DCC: variants seen among roughly 807,000 people sequenced by gnomAD.
DCC encodes the protein DCC netrin 1 receptor, also known as netrin receptor DCC.
A neutral mutation model predicts 172.5 loss-of-function variants in DCC; 58 were observed. The ratio of observed to expected loss-of-function variants is 0.34; its 90% confidence interval spans 0.27 to 0.42. The LOEUF is 0.42. DCC is among the 10% of genes least tolerant of loss of function. The pLI, the probability that DCC is intolerant of heterozygous loss-of-function variation, is 1.00. For synonymous variants in DCC, 709 were observed against 644.5 expected (o/e 1.10, Z -1.52); for missense variants, 1,740 against 1,791.0 (o/e 0.97, Z 0.51).
intron 15 of DCC, among the ~76,000 whole-genome samples, chr18:53,347,615 A>G (rs956454880): frequency 6.6e-6 from 1 of 152,202 alleles, no homozygotes; most frequent in South Asian, 2.1e-4. Flanking sequence ...ACTCTGAAAT[A>G]TATAACTTAG....
intron 5 of DCC, among the ~76,000 whole-genome samples, chr18:52,946,957 T>C (rs1354610509): frequency 2.0e-5 from 3 of 152,064 alleles, no homozygotes; most frequent in Admixed American, 6.6e-5. Flanking sequence ...TATACAAATA[T>C]TAAACACAGA....
At chr18:52,785,400 A>G (rs2037636966) in intron 2 of DCC, among the ~76,000 whole-genome samples, 1 of 152,046 alleles carries the variant, frequency 6.6e-6, no homozygotes, top group Non-Finnish European at 1.5e-5. Flanking sequence ...AAAGACTCCC[A>G]TGCCCTTACT....
chr18:53,371,823 A>G (rs925101203), intron 15 of DCC, among the ~76,000 whole-genome samples: 21 of 152,082 alleles, frequency 1.4e-4, no homozygotes, highest in African/African-American at 5.1e-4. Context: ...AACGCTTTTC[A>G]AAGAAGACAT....
At chr18:52,501,234 A>G (rs1366202225) in intron 1 of DCC, among the ~76,000 whole-genome samples, 1 of 152,128 alleles carries the variant, frequency 6.6e-6, no homozygotes. Context: ...TCTTATTCCT[A>G]AAGACTCTCA....
chr18:52,387,593 T>A (rs1367156649), intron 1 of DCC, among the ~76,000 whole-genome samples: 2 of 146,738 alleles, frequency 1.4e-5, no homozygotes. Flanking sequence ...CTTCCTTCCT[T>A]CCTTCCTTCC....
chr18:52,381,332 T>G (rs1985575626), intron 1 of DCC, among the ~76,000 whole-genome samples: 1 of 152,138 alleles, frequency 6.6e-6, no homozygotes. Context: ...AAGGACAATT[T>G]TTTAGCATCT....
intron 7 of DCC, among the ~76,000 whole-genome samples, chr18:53,154,033 C>T (rs958910696): frequency 6.6e-6 from 1 of 152,088 alleles, no homozygotes; most frequent in Admixed American, 6.6e-5. Context: ...AGCCTCTGCC[C>T]GAAGGTATTT....
rs528876521 is a variant in DCC at position 52,866,651 on chromosome 18, T to C, written c.413-39393T>C. Among the ~76,000 whole-genome samples the C allele has an allele frequency of 2.0e-4, 31 of 152,302 alleles. No homozygotes were observed. The East Asian group carries it at 4.6e-3, about 23-fold the overall frequency. On this transcript the variant is annotated intron_variant, in intron 2 of 28. Coordinates refer to ENST00000442544, the MANE Select transcript of DCC (RefSeq NM_005215.4). ...GTATTTTACTCTCTTTGTAGCAATT[T>C]TGAATGAGAGTTCACTCATGATTTG...
chr18:53,103,302 A>C (rs2043199567), intron 7 of DCC, among the ~76,000 whole-genome samples: 1 of 152,120 alleles, frequency 6.6e-6, no homozygotes, highest in African/African-American at 2.4e-5. Context: ...GAGGAGGTTC[A>C]AAAGAATAGG....
intron 2 of DCC, among the ~76,000 whole-genome samples, chr18:52,832,281 C>T (rs1255030718): frequency 1.3e-5 from 2 of 152,006 alleles, no homozygotes; most frequent in African/African-American, 4.8e-5. Flanking sequence ...TGAGGCCTTC[C>T]AAGGGAGCAA....
intron 1 of DCC, among the ~76,000 whole-genome samples, chr18:52,681,318 A>C (rs573361323): frequency 6.6e-6 from 1 of 152,106 alleles, no homozygotes; most frequent in East Asian, 1.9e-4. Context: ...CTTAGGACAC[A>C]TTTATCTACA....
intron 1 of DCC, among the ~76,000 whole-genome samples, chr18:52,365,332 G>A (rs1163274776): frequency 6.6e-6 from 1 of 152,210 alleles, no homozygotes; most frequent in Non-Finnish European, 1.5e-5. Flanking sequence ...GGGAGATATA[G>A]TAGTGGGCAA....
At chr18:53,370,224 C>T (rs769468737) in intron 15 of DCC, among the ~76,000 whole-genome samples, 19 of 151,590 alleles carry the variant, frequency 1.3e-4, no homozygotes, top group Non-Finnish European at 2.1e-4. Flanking sequence ...CTTTGTTATC[C>T]GATTTGTTGA....
chr18:53,066,148 C>CTCA lies in DCC; in HGVS notation c.1245_1247dup (p.Ile416dup). On this transcript the variant is annotated inframe_insertion, in exon 7 of 29. Transcript: ENST00000442544. Reference sequence around the variant, plus strand: ...TGGAAATGCCCAGACCAGTGCACAGCTCATTGTCCCTAAGCCTGGTAAGAC... The same window carrying CTCA: ...TGGAAATGCCCAGACCAGTGCACAGCTCATCATTGTCCCTAAGCCTGGTAAGAC... 1 of 1,613,154 alleles carries CTCA rather than the reference C, an allele frequency of 6.2e-7. No individual in the cohort carries two copies. Among genetic ancestry groups the CTCA allele is most frequent in the Non-Finnish European group, 8.5e-7 (1 of 1,179,434 alleles).
chr18:52,576,829 C>CAA (rs35498084), intron 1 of DCC, among the ~76,000 whole-genome samples: 36,842 of 126,592 alleles, frequency 0.29, 5,627 homozygotes, highest in Middle Eastern at 0.39. Flanking sequence ...GCCTCCATCT[C>CAA]AAAAAAAAAA....
intron 1 of DCC, among the ~76,000 whole-genome samples, chr18:52,502,295 A>G (rs2031051799): frequency 6.6e-6 from 1 of 152,214 alleles, no homozygotes; most frequent in South Asian, 2.1e-4. Context: ...CTGCAGGGAC[A>G]AGAATATTGA....
chr18:53,238,571 G>T (rs1245977685), intron 12 of DCC, among the ~76,000 whole-genome samples: 1 of 151,656 alleles, frequency 6.6e-6, no homozygotes, highest in Non-Finnish European at 1.5e-5. Flanking sequence ...GCTCTTATAA[G>T]CCTTATGTGT....
intron 12 of DCC, among the ~76,000 whole-genome samples, chr18:53,253,559 A>G (rs957171555): frequency 2.0e-5 from 3 of 152,090 alleles, no homozygotes; most frequent in Admixed American, 6.6e-5. Flanking sequence ...GTTTGGTCTC[A>G]TTATAACAAT....
chr18:53,001,777 A>C (rs917589252), intron 5 of DCC, among the ~76,000 whole-genome samples: 1 of 151,894 alleles, frequency 6.6e-6, no homozygotes, highest in African/African-American at 2.4e-5. Flanking sequence ...TTCTTTGGTT[A>C]TGTTTTCTAG....
Sources: gnomAD v4.1 joint callset for allele counts (sites outside exome capture counted in the v4.1 genomes callset) on GRCh38, gnomAD v4.1.1 for gene constraint, MANE v1.5 for transcripts, NCBI Gene and HGNC (gene_info 2026-07-23, HGNC 2026-07-21) for gene names.